FARS2: variants seen among roughly 807,000 people sequenced by gnomAD.
FARS2 encodes the protein phenylalanine--tRNA ligase, mitochondrial.
FARS2 carries 40 observed loss-of-function variants against 46.4 expected under a neutral mutation model. The observed-to-expected ratio is 0.86, with a 90% confidence interval of 0.67 to 1.12. The LOEUF is 1.12. Ranked by LOEUF, FARS2 falls within the 50% of genes most tolerant of loss-of-function variation. The probability of loss-of-function intolerance (pLI) is 0.00; values close to 1 mark genes in which losing one functional copy is unlikely to be tolerated. For missense variants in FARS2, 513 were observed against 567.9 expected (o/e 0.90, Z 0.98); for synonymous variants, 234 against 214.9 (o/e 1.09, Z -0.78).
At chr6:5,618,088 C>A (rs905838505) in intron 6 of FARS2, among the ~76,000 whole-genome samples, 14 of 152,176 alleles carry the variant, frequency 9.2e-5, no homozygotes, top group African/African-American at 3.4e-4. Context: ...AAAATATAAA[C>A]AAAGGAGCCT....
chr6:5,623,381 T>G (rs1189358772), intron 6 of FARS2, among the ~76,000 whole-genome samples: 1 of 152,148 alleles, frequency 6.6e-6, no homozygotes, highest in Admixed American at 6.5e-5. Flanking sequence ...AAATGATGCA[T>G]GTTATTCCTG....
intron 6 of FARS2, among the ~76,000 whole-genome samples, chr6:5,748,777 A>C (rs1441128663): frequency 1.3e-5 from 2 of 152,210 alleles, no homozygotes; most frequent in Non-Finnish European, 2.9e-5. Flanking sequence ...ATACAAATTA[A>C]GTGCTGCCTG....
intron 6 of FARS2, chr6:5,668,008 T>G (rs1281797222): frequency 6.6e-6 from 1 of 152,236 alleles, no homozygotes; most frequent in African/African-American, 2.4e-5. Flanking sequence ...GCTCTATTAC[T>G]TCGTAGCCCA....
intron 1 of FARS2, among the ~76,000 whole-genome samples, chr6:5,302,355 A>G (rs1187052782): frequency 1.3e-5 from 2 of 152,196 alleles, no homozygotes; most frequent in Non-Finnish European, 2.9e-5. Flanking sequence ...GGTAGATAGC[A>G]AGGCTTTGCT....
At chr6:5,594,114 A>G (rs1297477741) in intron 5 of FARS2, among the ~76,000 whole-genome samples, 1 of 151,834 alleles carries the variant, frequency 6.6e-6, no homozygotes, top group Non-Finnish European at 1.5e-5. Context: ...ACTTGAGGGC[A>G]TGTAGGCCTA....
chr6:5,694,583 G>C (rs1302512324), intron 6 of FARS2, among the ~76,000 whole-genome samples: 2 of 152,082 alleles, frequency 1.3e-5, no homozygotes, highest in African/African-American at 4.8e-5. Context: ...AATCAGATAA[G>C]AGACCGAGTG....
At chr6:5,475,630 A>C (rs533299117) in intron 4 of FARS2, among the ~76,000 whole-genome samples, 13 of 152,268 alleles carry the variant, frequency 8.5e-5, no homozygotes, top group African/African-American at 2.6e-4. Flanking sequence ...CTATTTGGAC[A>C]TCATAGACCC....
At chr6:5,749,584 C>A (rs1292769080) in intron 6 of FARS2, among the ~76,000 whole-genome samples, 1 of 152,204 alleles carries the variant, frequency 6.6e-6, no homozygotes, top group Non-Finnish European at 1.5e-5. Flanking sequence ...AGGCCTCAGA[C>A]CCTGGCCCGT....
chr6:5,593,464 GT>G (rs1292371453), intron 5 of FARS2, among the ~76,000 whole-genome samples: 1 of 152,134 alleles, frequency 6.6e-6, no homozygotes, highest in Non-Finnish European at 1.5e-5. Context: ...GCCAGTGGGT[GT>G]CTTTTTATGC....
chr6:5,255,252 T>A, the FARS2 span, among the ~76,000 whole-genome samples: 1 of 152,224 alleles, frequency 6.6e-6, no homozygotes, highest in African/African-American at 2.4e-5. Flanking sequence ...CAGGAAGACA[T>A]CTGCATTCTC....
At chr6:5,699,510 ATT>A (rs376040816) in intron 6 of FARS2, among the ~76,000 whole-genome samples, 11 of 142,458 alleles carry the variant, frequency 7.7e-5, no homozygotes, top group Non-Finnish European at 7.7e-5. Flanking sequence ...ATCACAGGAG[ATT>A]TTTTTTTTTT....
intron 1 of FARS2, among the ~76,000 whole-genome samples, chr6:5,365,586 A>G (rs1209097773): frequency 7.0e-6 from 1 of 142,526 alleles, no homozygotes; most frequent in Admixed American, 7.4e-5. Flanking sequence ...TCCTGGGCCC[A>G]AGTGATCCTT....
chr6:5,337,325 T>C (rs1189973640), intron 1 of FARS2, among the ~76,000 whole-genome samples: 3 of 152,082 alleles, frequency 2.0e-5, no homozygotes, highest in African/African-American at 7.2e-5. Flanking sequence ...GTCAATTGTT[T>C]AATCTTTCAA....
intron 1 of FARS2, among the ~76,000 whole-genome samples, chr6:5,352,147 T>A (rs1186671819): frequency 6.6e-5 from 10 of 151,806 alleles, no homozygotes; most frequent in Non-Finnish European, 1.3e-4. Context: ...TTTTTTTTTT[T>A]AATTTTTAGT....
intron 1 of FARS2, among the ~76,000 whole-genome samples, chr6:5,356,017 T>C (rs2552295): frequency 0.7 from 105,974 of 151,924 alleles, 37,577 homozygotes; most frequent in East Asian, 0.81. Flanking sequence ...CCGATGCGCA[T>C]GTTCCCAGCT....
rs531894866 is a variant in FARS2 at position 5,434,403 on chromosome 6, C to T, written c.904+3231C>T. On this transcript the variant is annotated intron_variant, in intron 4 of 6. Transcript: ENST00000274680. Reference sequence around the variant, plus strand: ...CTAGGATTACAGGCATGAGCCACTGCGCCCAGCCATAATATTTAAATTAAA... The same window carrying T: ...CTAGGATTACAGGCATGAGCCACTGTGCCCAGCCATAATATTTAAATTAAA... Among the ~76,000 whole-genome samples, 298 of 152,186 alleles carry T rather than the reference C, an allele frequency of 2.0e-3. 4 individuals are homozygous for T. Among genetic ancestry groups the T allele is most frequent in the African/African-American group, 7.0e-3 (289 of 41,520 alleles).
At chr6:5,559,740 T>A (rs1415434667) in intron 5 of FARS2, among the ~76,000 whole-genome samples, 1 of 151,624 alleles carries the variant, frequency 6.6e-6, no homozygotes, top group Non-Finnish European at 1.5e-5. Flanking sequence ...TCTTATGTCA[T>A]CTTTTTGAAA....
At chr6:5,722,899 C>T (rs1335840385) in intron 6 of FARS2, among the ~76,000 whole-genome samples, 1 of 152,086 alleles carries the variant, frequency 6.6e-6, no homozygotes, top group Non-Finnish European at 1.5e-5. Context: ...AAGAAAATCC[C>T]AAAAGATTAC....
rs772937752 is a variant in FARS2 at position 5,369,125 on chromosome 6, C to T, written c.555C>T (p.Ser185=). The stretch of plus-strand genomic sequence containing the variant: ...TCTACAGGCGTGACCAGATCGACTC[C>T]CAGCACTACCCTATTTTCCACCAGC... ...GDVYRRDQID[S]QHYPIFHQLE... Residue 185 remains serine (S), a synonymous_variant, in exon 2 of 7, where the codon TCC becomes TCT. Transcript: ENST00000274680. 8 of 1,612,708 alleles carry T rather than the reference C, an allele frequency of 5.0e-6. No individual in the cohort carries two copies. The highest frequency in any genetic ancestry group is 6.8e-6 in the Non-Finnish European group (8 of 1,180,014).
Sources: allele counts gnomAD v4.1 joint callset (sites outside exome capture counted in the v4.1 genomes callset), GRCh38; gene constraint gnomAD v4.1.1; transcripts MANE v1.5; gene names NCBI Gene and HGNC (gene_info 2026-07-23, HGNC 2026-07-21).